The following UQCC1 variants were observed in gnomAD, a reference collection of about 807,000 sequenced individuals.
UQCC1 encodes the protein ubiquinol-cytochrome c reductase complex assembly factor 1, also known as bFGF-repressed Zic-binding protein.
UQCC1 carries 38 observed loss-of-function variants against 48.0 expected under a neutral mutation model. That is an observed-to-expected ratio of 0.79 (90% CI 0.61 to 1.04). UQCC1 has a LOEUF of 1.04. Ranked by LOEUF, UQCC1 falls within the 50% of genes least tolerant of loss-of-function variation. The pLI is 0.00. For missense variants in UQCC1, 368 were observed against 381.8 expected (o/e 0.96, Z 0.30); for synonymous variants, 111 against 129.2 (o/e 0.86, Z 0.95).
At chr20:35,329,473 A>T (rs963905133) in intron 7 of UQCC1, among the ~76,000 whole-genome samples, 11 of 152,202 alleles carry the variant, frequency 7.2e-5, no homozygotes. Context: ...GACAATGAAC[A>T]TGGAAAAACA....
intron 1 of UQCC1, among the ~76,000 whole-genome samples, chr20:35,408,170 T>C: frequency 6.6e-6 from 1 of 152,188 alleles, no homozygotes; most frequent in Non-Finnish European, 1.5e-5. Flanking sequence ...GGTTCACACC[T>C]GTAATCCTAA....
At position 35,385,596 on chromosome 20, in the gene UQCC1, G is replaced by A. The variant is rs139150688; in HGVS notation, c.130-1463C>T. ...AGCTGACTGCAACCTCCACCTCCCC[G>A]GCTCAAGCAATTCTCCTGCCTCAGC... is the stretch of plus-strand genomic sequence containing the variant. On this transcript the variant is annotated intron_variant, in intron 2 of 9. Coordinates refer to ENST00000374385, the MANE Select transcript of UQCC1 (RefSeq NM_018244.5). Among the ~76,000 whole-genome samples, 676 of 152,188 alleles carry A rather than the reference G, an allele frequency of 4.4e-3. 5 individuals carry two copies. The highest frequency in any genetic ancestry group is 0.016 in the African/African-American group (652 of 41,530).
At chr20:35,335,672 G>A (rs2061307909) in intron 7 of UQCC1, among the ~76,000 whole-genome samples, 1 of 152,188 alleles carries the variant, frequency 6.6e-6, no homozygotes, top group Non-Finnish European at 1.5e-5. Context: ...CTAGGGGTAA[G>A]GGGAACGGGT....
At chr20:35,346,672 C>A in intron 7 of UQCC1, 1 of 202,942 alleles carries the variant, frequency 4.9e-6, no homozygotes, top group Non-Finnish European at 1.0e-5. Flanking sequence ...ATTAAATGTA[C>A]TAATGTACAT....
chr20:35,308,371 G>A (rs2060951030), intron 8 of UQCC1, among the ~76,000 whole-genome samples: 1 of 152,402 alleles, frequency 6.6e-6, no homozygotes, highest in East Asian at 1.9e-4. Flanking sequence ...ACAACAGCGT[G>A]CCTGTGTCTG....
intron 6 of UQCC1, among the ~76,000 whole-genome samples, chr20:35,351,468 A>G (rs2061489905): frequency 6.6e-6 from 1 of 152,120 alleles, no homozygotes; most frequent in African/African-American, 2.4e-5. Flanking sequence ...TTTATAGGAC[A>G]CAGAGCCTAT....
At chr20:35,341,218 C>CAAAAAAAAAA (rs61675932) in intron 7 of UQCC1, among the ~76,000 whole-genome samples, 4 of 115,840 alleles carry the variant, frequency 3.5e-5, no homozygotes, top group African/African-American at 1.4e-4. Flanking sequence ...GAGACTCCGT[C>CAAAAAAAAAA]AAAAAAAAAA....
intron 7 of UQCC1, 61 bp from the exon 8 acceptor site, chr20:35,314,826 T>TA (rs1292428280): frequency 1.8e-5 from 26 of 1,412,936 alleles, no homozygotes; most frequent in Non-Finnish European, 2.5e-5. Context: ...ACCCAAAAAG[T>TA]ATGATCTTTG....
chr20:35,343,908 G>C (rs2061406819), intron 7 of UQCC1, among the ~76,000 whole-genome samples: 1 of 152,056 alleles, frequency 6.6e-6, no homozygotes, highest in South Asian at 2.1e-4. Context: ...TAAAGTATGA[G>C]AAACGCTGAT....
chr20:35,324,564 G>A (rs892438496), intron 7 of UQCC1, among the ~76,000 whole-genome samples: 1 of 152,174 alleles, frequency 6.6e-6, no homozygotes, highest in Non-Finnish European at 1.5e-5. Context: ...CTGACCTTGT[G>A]ATCTGCCCGC....
intron 1 of UQCC1, among the ~76,000 whole-genome samples, chr20:35,408,891 C>A (rs1191314225): frequency 2.0e-5 from 3 of 151,704 alleles, no homozygotes; most frequent in East Asian, 3.9e-4. Context: ...ACACATGCTA[C>A]AACATGGATG....
intron 6 of UQCC1, among the ~76,000 whole-genome samples, chr20:35,348,694 C>A (rs2061457741): frequency 1.3e-5 from 2 of 152,204 alleles, no homozygotes; most frequent in African/African-American, 4.8e-5. Flanking sequence ...CATTCTGTCA[C>A]CCAGGCCGGA....
chr20:35,366,958 G>A (rs1380605833), intron 5 of UQCC1, among the ~76,000 whole-genome samples: 1 of 151,962 alleles, frequency 6.6e-6, no homozygotes, highest in African/African-American at 2.4e-5. Context: ...ACCAGGCGTG[G>A]TGGTGGGCGC....
rs183574890 is a variant in UQCC1, at chr20:35,376,603, C to T, written c.334-2347G>A. Among the ~76,000 whole-genome samples the T allele has an allele frequency of 2.6e-5, 4 of 151,690 alleles. No individual in the cohort carries two copies. The East Asian group carries it at 7.7e-4, about 29-fold the overall frequency. On this transcript the variant is annotated intron_variant, in intron 4 of 9. Coordinates refer to ENST00000374385, the MANE Select transcript of UQCC1 (RefSeq NM_018244.5). Reference sequence around the variant, plus strand: ...AAGAAATTGGATTTGTCTTTAAAAACCTCCCCACAATGCAAACTGCAGACC... The same window carrying T: ...AAGAAATTGGATTTGTCTTTAAAAATCTCCCCACAATGCAAACTGCAGACC...
intron 6 of UQCC1, among the ~76,000 whole-genome samples, chr20:35,356,359 A>C (rs1447583268): frequency 2.0e-5 from 3 of 152,236 alleles, no homozygotes; most frequent in Non-Finnish European, 4.4e-5. Flanking sequence ...GACCATTATT[A>C]GGGTGACATC....
At chr20:35,398,541 C>T (rs927729287) in intron 1 of UQCC1, among the ~76,000 whole-genome samples, 2 of 152,004 alleles carry the variant, frequency 1.3e-5, no homozygotes, top group African/African-American at 4.8e-5. Flanking sequence ...ACTTACAGCA[C>T]CTTAAATTTC....
intron 1 of UQCC1, among the ~76,000 whole-genome samples, chr20:35,404,350 A>G (rs1274297464): frequency 7.0e-6 from 1 of 143,422 alleles, no homozygotes; most frequent in Non-Finnish European, 1.5e-5. Flanking sequence ...AGCCTGGGTG[A>G]CAGAGCGAGA....
intron 6 of UQCC1, among the ~76,000 whole-genome samples, chr20:35,363,063 A>C (rs2061625751): frequency 6.6e-6 from 1 of 152,000 alleles, no homozygotes; most frequent in Admixed American, 6.5e-5. Flanking sequence ...GAAAGAAACA[A>C]AAGAAAATAT....
At chr20:35,348,746 C>T (rs1182659486) in intron 6 of UQCC1, among the ~76,000 whole-genome samples, 1 of 152,108 alleles carries the variant, frequency 6.6e-6, no homozygotes, top group African/African-American at 2.4e-5. Context: ...CTCAACCTCC[C>T]GGGCTTAAGG....
Sources: allele counts gnomAD v4.1 joint callset (sites outside exome capture counted in the v4.1 genomes callset), GRCh38; gene constraint gnomAD v4.1.1; transcripts MANE v1.5; gene names NCBI Gene and HGNC (gene_info 2026-07-23, HGNC 2026-07-21).